Variants in MCM10 observed in about 807,000 individuals in gnomAD.
MCM10 encodes protein MCM10 homolog.
A neutral mutation model predicts 109.9 loss-of-function variants in MCM10; 91 were observed. That is an observed-to-expected ratio of 0.83 (90% CI 0.70 to 0.99). The LOEUF (loss-of-function observed/expected upper bound fraction) is 0.99. Ranked by LOEUF, MCM10 falls within the 50% of genes least tolerant of loss-of-function variation. The pLI, the probability that MCM10 is intolerant of heterozygous loss-of-function variation, is 0.00. For synonymous variants in MCM10, 380 were observed against 387.2 expected (o/e 0.98, Z 0.22); for missense variants, 1,077 against 1,061.2 (o/e 1.01, Z -0.21).
rs980228011 is a variant in MCM10 at position 13,183,072 on chromosome 10, C to A, written c.1070C>A (p.Pro357His). The A allele has an allele frequency of 1.2e-6, 2 of 1,614,094 alleles. No homozygotes were observed. Among genetic ancestry groups the A allele is most frequent in the African/African-American group, 2.7e-5 (2 of 75,038 alleles). Residue 357 changes from proline to histidine, a missense_variant, in exon 8 of 20, where the codon CCC (proline) becomes CAC (histidine). Physicochemically the swap from Pro to His is moderately conservative, Grantham distance 77. Coordinates refer to ENST00000378714, the MANE Select transcript of MCM10 (RefSeq NM_018518.5). Reference protein sequence around the residue: ...GTVVGILNANPMKPKDGSEEV... With the variant: ...GTVVGILNANHMKPKDGSEEV... ...GTCGTAGGGATCCTCAATGCCAACC[C>A]CATGAAGCCCAAGGATGGTTCAGAG...
At chr10:13,197,799 G>A (rs1834442279) in intron 15 of MCM10, 32 bp downstream of exon 15, 4 of 1,588,366 alleles carry the variant, frequency 2.5e-6, no homozygotes, top group Non-Finnish European at 3.4e-6. Flanking sequence ...CAGTGGGAAA[G>A]AGAAACTGTT....
In MCM10 at chr10:13,210,667, C is replaced by T. The variant is rs565156987; in HGVS notation, c.*1357C>T. ...ATTGGGTGGAAGGTGCTGTATCTAA[C>T]TTGTGTTCCTCCTAAGGTTATGTCC... On this transcript the variant is annotated 3_prime_UTR_variant, in exon 20 of 20. Transcript: ENST00000378714. The T allele has an allele frequency of 6.6e-6, 1 of 152,288 alleles. No homozygotes were observed. Among genetic ancestry groups the T allele is most frequent in the East Asian group, 1.9e-4 (1 of 5,186 alleles). 9.4% of individuals were successfully genotyped at this position (152,288 alleles called of 1,614,324 possible).
chr10:13,177,877 T>A (rs184543298), intron 6 of MCM10, among the ~76,000 whole-genome samples: 211 of 150,910 alleles, frequency 1.4e-3, no homozygotes, highest in Middle Eastern at 3.4e-3. Context: ...TCCTCAGAAC[T>A]GAGAAGGATC....
intron 8 of MCM10, 92 bp downstream of exon 8, chr10:13,183,192 A>C: frequency 2.6e-5 from 36 of 1,410,942 alleles, no homozygotes; most frequent in Non-Finnish European, 3.4e-5. Flanking sequence ...ACAGTGGCTC[A>C]CACCTGTAAT....
intron 18 of MCM10, 134 bp downstream of exon 18, chr10:13,204,498 C>A: frequency 8.8e-7 from 1 of 1,131,554 alleles, no homozygotes; most frequent in Non-Finnish European, 1.2e-6. Context: ...ACCCTTGGGA[C>A]TCAAGCTGTT....
At chr10:13,208,343 G>A (rs1042895010) in intron 18 of MCM10, among the ~76,000 whole-genome samples, 1 of 151,906 alleles carries the variant, frequency 6.6e-6, no homozygotes, top group African/African-American at 2.4e-5. Flanking sequence ...AGCTGTGATC[G>A]CACTACTGCA....
chr10:13,166,077 T>C (rs2131553024), intron 2 of MCM10, among the ~76,000 whole-genome samples: 1 of 152,002 alleles, frequency 6.6e-6, no homozygotes, highest in African/African-American at 2.4e-5. Flanking sequence ...AGTTAGTAGA[T>C]GGGAGACACT....
At chr10:13,195,956 T>A (rs1456121091) in intron 14 of MCM10, among the ~76,000 whole-genome samples, 1 of 152,056 alleles carries the variant, frequency 6.6e-6, no homozygotes, top group Non-Finnish European at 1.5e-5. Flanking sequence ...CATGCTAGAG[T>A]GCAGTGGTGC....
chr10:13,169,722 T>C (rs998335891), intron 2 of MCM10, among the ~76,000 whole-genome samples: 3 of 152,224 alleles, frequency 2.0e-5, no homozygotes, highest in Non-Finnish European at 2.9e-5. Flanking sequence ...TTGTTTGTTT[T>C]TGAGATGGAG....
chr10:13,202,298 A>G (rs973594439), intron 17 of MCM10, among the ~76,000 whole-genome samples: 1 of 152,202 alleles, frequency 6.6e-6, no homozygotes, highest in Non-Finnish European at 1.5e-5. Context: ...CCAAAGCTGC[A>G]GTGAGCTATG....
At chr10:13,168,261 C>T (rs1335752383) in intron 2 of MCM10, among the ~76,000 whole-genome samples, 1 of 152,210 alleles carries the variant, frequency 6.6e-6, no homozygotes, top group Admixed American at 6.5e-5. Flanking sequence ...ACTGTGCAGC[C>T]TTGGAGTCTT....
chr10:13,171,047 C>A lies in MCM10; in HGVS notation c.133C>A (p.Leu45Ile), dbSNP rs769692037. ...ENGEPDAFDE[L>I]FDADGDGESY... The stretch of plus-strand genomic sequence containing the variant: ...TGGCGAGCCCGACGCATTTGATGAG[C>A]TCTTTGATGCCGACGGCGACGGTGA... The change falls in exon 3 of 20, where the codon CTC becomes ATC. Residue 45 changes from leucine (L) to isoleucine (I), a missense_variant. By Grantham distance (5) the Leu-to-Ile change is conservative. Transcript: ENST00000378714. The A allele has an allele frequency of 3.1e-6, 5 of 1,614,170 alleles. No individual in the cohort carries two copies. Among genetic ancestry groups the A allele is most frequent in the Non-Finnish European group, 4.2e-6 (5 of 1,180,048 alleles).
At chr10:13,201,829 C>T (rs988974854) in intron 17 of MCM10, 5 of 307,746 alleles carry the variant, frequency 1.6e-5, no homozygotes, top group Non-Finnish European at 3.1e-5. Context: ...GTGGCTCTGA[C>T]TGCTCTTTCT....
chr10:13,170,246 C>A (rs1387433748), intron 2 of MCM10, among the ~76,000 whole-genome samples: 2 of 152,100 alleles, frequency 1.3e-5, no homozygotes, highest in South Asian at 4.1e-4. Flanking sequence ...TAAGATTTGG[C>A]ATGACAGACT....
At chr10:13,201,745 T>G (rs1235129661) in intron 17 of MCM10, 1 of 541,826 alleles carries the variant, frequency 1.8e-6, no homozygotes, top group Admixed American at 3.2e-5. Context: ...GTCGAGGGGA[T>G]TCTTCTCTCA....
At chr10:13,206,119 G>T (rs60595119) in intron 18 of MCM10, among the ~76,000 whole-genome samples, 1 of 152,174 alleles carries the variant, frequency 6.6e-6, no homozygotes, top group African/African-American at 2.4e-5. Flanking sequence ...TCTTGTGAAC[G>T]TGTACTGCTT....
chr10:13,169,532 C>A lies in MCM10; in HGVS notation c.8-1390C>A, dbSNP rs193086584. 1.7e-4 allele frequency among the ~76,000 whole-genome samples: 26 copies of A among 152,168 alleles called. 1 individual carries two copies. Among genetic ancestry groups the A allele is most frequent in the Admixed American group, 1.1e-3 (17 of 15,294 alleles). On this transcript the variant is annotated intron_variant, in intron 2 of 19. Transcript: ENST00000378714. ...GCAATTCCATTTCTGATAGATATTC[C>A]CAAGAAACACATGTGCGAGAAGACG...
chr10:13,202,736 G>A lies in MCM10; in HGVS notation c.2352+1202G>A, dbSNP rs1427105768. Among the ~76,000 whole-genome samples, 5 of 152,302 alleles carry A rather than the reference G, an allele frequency of 3.3e-5. No homozygotes were observed. In the Middle Eastern group the frequency reaches 0.01, roughly 311 times the overall value. On this transcript the variant is annotated intron_variant, in intron 17 of 19. Coordinates refer to ENST00000378714, the MANE Select transcript of MCM10 (RefSeq NM_018518.5). ...ATGACAGCTCTTACTCTGACACAGCGGTGGACCTGCAGGCGGACTTAGTGG... is the reference window on the plus strand; with the variant it reads ...ATGACAGCTCTTACTCTGACACAGCAGTGGACCTGCAGGCGGACTTAGTGG...
At position 13,195,071 on chromosome 10, in the gene MCM10, C is replaced by G; in HGVS notation, c.1776C>G (p.Ser592Arg). Residue 592 changes from serine (S) to arginine (R), a missense_variant, in exon 14 of 20, where the codon AGC becomes AGG. Transcript: ENST00000378714. Reference sequence around the variant, plus strand: ...TGCAGAGCTCAAGTGAAGTTGAGAGCCCAGCTGTGCCATCTTCATCAAGAC... The same window carrying G: ...TGCAGAGCTCAAGTGAAGTTGAGAGGCCAGCTGTGCCATCTTCATCAAGAC... ...RFLQSSSEVE[S>R]PAVPSSSRQP... 6.2e-7 allele frequency: 1 copy of G among 1,613,946 alleles called. No homozygotes were observed. The highest frequency in any genetic ancestry group is 8.5e-7 in the Non-Finnish European group (1 of 1,179,922).
Sources: allele counts gnomAD v4.1 joint callset (sites outside exome capture counted in the v4.1 genomes callset), GRCh38; gene constraint gnomAD v4.1.1; transcripts MANE v1.5; gene names NCBI Gene and HGNC (gene_info 2026-07-23, HGNC 2026-07-21).